Variants in PEPD observed in about 807,000 individuals in gnomAD.
PEPD encodes the protein xaa-Pro dipeptidase.
Under a neutral mutation model 60.7 loss-of-function variants are expected in PEPD, and 53 were observed. That is an observed-to-expected ratio of 0.87 (90% CI 0.70 to 1.10). The LOEUF is 1.10. Among genes scored for constraint, PEPD ranks in the 50% least tolerant of loss-of-function variants. PEPD has a pLI of 0.00. For missense variants in PEPD, 711 were observed against 711.9 expected (o/e 1.00, Z 0.01); for synonymous variants, 267 against 284.1 (o/e 0.94, Z 0.60).
intron 12 of PEPD, among the ~76,000 whole-genome samples, chr19:33,399,937 GT>G (rs1265944363): frequency 6.6e-6 from 1 of 152,100 alleles, no homozygotes; most frequent in Non-Finnish European, 1.5e-5. Flanking sequence ...TCCTTCGCCT[GT>G]TTGGGGCTTA....
intron 9 of PEPD, among the ~76,000 whole-genome samples, chr19:33,414,836 G>C (rs988584742): frequency 1.3e-5 from 2 of 152,250 alleles, no homozygotes; most frequent in Admixed American, 1.3e-4. Flanking sequence ...GGATAATTGG[G>C]TATCTGCGAG....
intron 11 of PEPD, among the ~76,000 whole-genome samples, chr19:33,409,063 C>G (rs948514813): frequency 6.6e-6 from 1 of 152,288 alleles, no homozygotes; most frequent in African/African-American, 2.4e-5. Context: ...GCCTCTACAG[C>G]TGCAGCTGGG....
At chr19:33,435,112 G>C (rs904750862) in intron 9 of PEPD, among the ~76,000 whole-genome samples, 28 of 152,314 alleles carry the variant, frequency 1.8e-4, no homozygotes, top group Non-Finnish European at 3.2e-4. Flanking sequence ...TGGCTGAGAC[G>C]GTAGCTCCCT....
intron 9 of PEPD, among the ~76,000 whole-genome samples, chr19:33,453,170 C>T (rs970058559): frequency 2.6e-5 from 4 of 152,048 alleles, no homozygotes; most frequent in African/African-American, 9.7e-5. Context: ...AAAAATTAGC[C>T]AGGCATGGTG....
intron 7 of PEPD, among the ~76,000 whole-genome samples, chr19:33,476,525 C>T (rs1345314044): frequency 1.3e-5 from 2 of 152,122 alleles, no homozygotes; most frequent in African/African-American, 2.4e-5. Flanking sequence ...CTCTTGACTG[C>T]GGCTTCACCA....
chr19:33,507,110 C>G (rs1426513701), intron 3 of PEPD, among the ~76,000 whole-genome samples: 2 of 152,182 alleles, frequency 1.3e-5, no homozygotes, highest in Non-Finnish European at 2.9e-5. Context: ...GCATCCATCT[C>G]TCACACAAGA....
chr19:33,467,086 G>A (rs1342246994), intron 7 of PEPD, among the ~76,000 whole-genome samples: 2 of 151,784 alleles, frequency 1.3e-5, no homozygotes, highest in African/African-American at 2.4e-5. Flanking sequence ...GAACCCAGGA[G>A]GCGGAGCTTG....
intron 13 of PEPD, among the ~76,000 whole-genome samples, chr19:33,389,590 G>C (rs1968164224): frequency 6.6e-6 from 1 of 152,214 alleles, no homozygotes; most frequent in South Asian, 2.1e-4. Context: ...CCAGGGGCCT[G>C]GGGGAAGCAA....
rs1568447874 is a variant in PEPD, at chr19:33,395,251, GGAAC to G, written c.968-3776_968-3773del. 3.3e-5 allele frequency: 5 copies of G among 152,462 alleles called. No individual in the cohort carries two copies. In the South Asian group the frequency reaches 6.2e-4, roughly 19 times the overall value. The allele number at this position is 152,462 out of a possible 1,614,324, so 9.4% of individuals were successfully genotyped here. ...CCCTTCCTGTACTTTGAGAATTCAC[GGAAC>G]ACACAGCACAGCTGGGCCTGGTTAT... On this transcript the variant is annotated intron_variant, in intron 12 of 14. Transcript: ENST00000244137.
chr19:33,517,898 C>T (rs1191877312), intron 1 of PEPD, among the ~76,000 whole-genome samples: 2 of 149,616 alleles, frequency 1.3e-5, no homozygotes, highest in Non-Finnish European at 3.0e-5. Flanking sequence ...ACCCGGGAGG[C>T]GGAGGTTGCA....
chr19:33,391,941 C>T (rs1297713762), intron 12 of PEPD, among the ~76,000 whole-genome samples: 1 of 152,206 alleles, frequency 6.6e-6, no homozygotes, highest in Non-Finnish European at 1.5e-5. Context: ...GCTCAGAGCT[C>T]CGATGGGGTT....
At chr19:33,471,037 C>T (rs186233609) in intron 7 of PEPD, among the ~76,000 whole-genome samples, 11 of 152,284 alleles carry the variant, frequency 7.2e-5, no homozygotes, top group Middle Eastern at 3.4e-3. Context: ...AGGACCACAT[C>T]CTCCTCCCAG....
intron 9 of PEPD, among the ~76,000 whole-genome samples, chr19:33,438,758 C>T (rs1002084011): frequency 3.9e-5 from 6 of 152,250 alleles, no homozygotes; most frequent in Non-Finnish European, 5.9e-5. Context: ...TTCTGTCGCC[C>T]AGGCTGGAGT....
chr19:33,401,425 G>A (rs1302597596), intron 12 of PEPD, among the ~76,000 whole-genome samples: 1 of 152,236 alleles, frequency 6.6e-6, no homozygotes, highest in Non-Finnish European at 1.5e-5. Context: ...GACAAAGCAG[G>A]AGACAGGCTG....
In PEPD at chr19:33,499,247, A is replaced by G. The variant is rs553900020; in HGVS notation, c.393+1691T>C. ...CCCCCAAAAGCTTGGGATTGAAATA[A>G]CATAACATAAAGATCCATCAAAAGC... On this transcript the variant is annotated intron_variant, in intron 4 of 14. Coordinates refer to ENST00000244137, the MANE Select transcript of PEPD (RefSeq NM_000285.4). Among the ~76,000 whole-genome samples the G allele has an allele frequency of 8.5e-4, 130 of 152,280 alleles. 1 individual carries two copies. The highest frequency in any genetic ancestry group is 2.9e-3 in the African/African-American group (122 of 41,548).
intron 9 of PEPD, among the ~76,000 whole-genome samples, chr19:33,418,254 CAT>C (rs1346651534): frequency 6.6e-6 from 1 of 152,240 alleles, no homozygotes; most frequent in Non-Finnish European, 1.5e-5. Flanking sequence ...TCTGGGTACA[CAT>C]GACCATAATT....
At chr19:33,458,111 G>A (rs548182716) in intron 9 of PEPD, among the ~76,000 whole-genome samples, 2 of 152,210 alleles carry the variant, frequency 1.3e-5, no homozygotes, top group Admixed American at 6.5e-5. Context: ...TACATGTTGT[G>A]TGTGGTGTGT....
chr19:33,508,918 G>A (rs1039173430), intron 3 of PEPD, among the ~76,000 whole-genome samples: 2 of 152,220 alleles, frequency 1.3e-5, no homozygotes, highest in Non-Finnish European at 2.9e-5. Context: ...GGCCAGCACT[G>A]TAACTCCAGT....
intron 9 of PEPD, among the ~76,000 whole-genome samples, chr19:33,446,531 G>A (rs143684323): frequency 1.9e-3 from 290 of 152,344 alleles, no homozygotes; most frequent in African/African-American, 6.6e-3. Context: ...AGGTGCCCAT[G>A]CCATCCCCAA....
Sources: gnomAD v4.1 joint callset for allele counts (sites outside exome capture counted in the v4.1 genomes callset) on GRCh38, gnomAD v4.1.1 for gene constraint, MANE v1.5 for transcripts, NCBI Gene and HGNC (gene_info 2026-07-23, HGNC 2026-07-21) for gene names.